The following ADGRA3 variants were observed in gnomAD, a reference collection of about 807,000 sequenced individuals.
ADGRA3 encodes adhesion G protein-coupled receptor A3, also known as G-protein coupled receptor 125.
ADGRA3 carries 56 observed loss-of-function variants against 119.8 expected under a neutral mutation model. The observed-to-expected ratio is 0.47, with a 90% CI of 0.38 to 0.58. The LOEUF (loss-of-function observed/expected upper bound fraction) is 0.58, where lower values mean the gene tolerates loss of function less well. ADGRA3 is among the 20% of genes least tolerant of loss of function. The pLI is 0.00. For synonymous variants in ADGRA3, 607 were observed against 623.8 expected (o/e 0.97, Z 0.40); for missense variants, 1,516 against 1,649.0 (o/e 0.92, Z 1.40).
At chr4:22,475,128 C>T (rs537346706) in intron 1 of ADGRA3, among the ~76,000 whole-genome samples, 28 of 152,222 alleles carry the variant, frequency 1.8e-4, no homozygotes, top group Middle Eastern at 3.4e-3. Flanking sequence ...AACTGGGTTT[C>T]GACTCCAGCT....
intron 16 of ADGRA3, among the ~76,000 whole-genome samples, chr4:22,401,016 T>C (rs1451021446): frequency 6.6e-6 from 1 of 152,228 alleles, no homozygotes. Flanking sequence ...CATATTTATC[T>C]AACCTAGTGT....
At chr4:22,444,033 T>C (rs1392573853) in intron 6 of ADGRA3, among the ~76,000 whole-genome samples, 1 of 150,158 alleles carries the variant, frequency 6.7e-6, no homozygotes, top group Non-Finnish European at 1.5e-5. Context: ...TTTTGTTTTT[T>C]GTTTTTGTTT....
At chr4:22,402,319 T>C (rs1168342325) in intron 15 of ADGRA3, among the ~76,000 whole-genome samples, 1 of 152,124 alleles carries the variant, frequency 6.6e-6, no homozygotes, top group Admixed American at 6.6e-5. Context: ...TAGTACAGTC[T>C]GATACTTAGA....
At chr4:22,426,125 CTCTTT>C (rs1168809665) in intron 10 of ADGRA3, among the ~76,000 whole-genome samples, 4 of 152,278 alleles carry the variant, frequency 2.6e-5, no homozygotes, top group African/African-American at 9.6e-5. Flanking sequence ...AAATTGGCCT[CTCTTT>C]TAAGATGATA....
intron 1 of ADGRA3, among the ~76,000 whole-genome samples, chr4:22,514,860 G>A (rs1719583114): frequency 6.6e-6 from 1 of 152,142 alleles, no homozygotes; most frequent in Non-Finnish European, 1.5e-5. Context: ...CGAGTTGGAA[G>A]GCTCAATAAA....
intron 1 of ADGRA3, among the ~76,000 whole-genome samples, chr4:22,505,248 G>GA (rs1203510648): frequency 1.3e-5 from 2 of 152,024 alleles, no homozygotes; most frequent in Non-Finnish European, 1.5e-5. Context: ...TGGGACATGG[G>GA]AAAAAAAGCA....
rs1717186187 is a variant in ADGRA3, at chr4:22,454,879, T to C, written c.460A>G (p.Asn154Asp). 6.2e-7 allele frequency: 1 copy of C among 1,613,040 alleles called. No homozygotes were observed. The highest frequency in any genetic ancestry group is 8.5e-7 in the Non-Finnish European group (1 of 1,179,040). The stretch of plus-strand genomic sequence containing the variant: ...AGATATACTTACAGCCGAACCAGAT[T>C]GGTGAGTCCTCGAAATATGTCTGCA... Reference protein sequence around the residue: ...LNADIFRGLTNLVRLNLSGNL... With the variant: ...LNADIFRGLTDLVRLNLSGNL... Residue 154 changes from asparagine (N) to aspartate (D), a missense_variant, in exon 4 of 19, where the codon AAT becomes GAT. Physicochemically the swap from Asn to Asp is conservative, Grantham distance 23. This residue lies in a region of ADGRA3 where 428 missense variants were observed against 541.9 expected (regional missense o/e 0.79). Coordinates refer to ENST00000334304, the MANE Select transcript of ADGRA3 (RefSeq NM_145290.4).
At chr4:22,456,233 T>C (rs904745079) in intron 3 of ADGRA3, among the ~76,000 whole-genome samples, 4 of 152,156 alleles carry the variant, frequency 2.6e-5, no homozygotes, top group Admixed American at 2.6e-4. Context: ...GGTTTAATTT[T>C]AGGTGTCAAC....
At chr4:22,497,696 G>A (rs909138676) in intron 1 of ADGRA3, among the ~76,000 whole-genome samples, 23 of 146,072 alleles carry the variant, frequency 1.6e-4, no homozygotes, top group African/African-American at 4.8e-4. Context: ...GGTGGCGGGC[G>A]CCTATAATCC....
chr4:22,515,692 G>T lies in ADGRA3; in HGVS notation c.93C>A (p.Gly31=). Residue 31 remains glycine, a synonymous_variant, in exon 1 of 19, where the codon GGC becomes GGA. Transcript: ENST00000334304. The part of the protein sequence containing the change: ...LLALLALLGG[G]GGGGAAALPA... ...GCAGCGCCGCGGCGCCGCCGCCGCC[G>T]CCGCCTCCCAGCAGCGCGAGCAGCG... 3.6e-6 allele frequency: 4 copies of T among 1,096,368 alleles called. No individual in the cohort carries two copies. The highest frequency in any genetic ancestry group is 4.4e-6 in the Non-Finnish European group (4 of 905,286). The allele number at this position is 1,096,368 out of a possible 1,614,324, so 67.9% of individuals were successfully genotyped here.
At chr4:22,414,959 A>C (rs73800940) in intron 12 of ADGRA3, among the ~76,000 whole-genome samples, 2,017 of 151,964 alleles carry the variant, frequency 0.013, 37 homozygotes, top group African/African-American at 0.045. Context: ...AGAGTCCTTG[A>C]AACAGGGCTT....
intron 10 of ADGRA3, among the ~76,000 whole-genome samples, chr4:22,430,815 A>AGGAAAACG (rs59815336): frequency 6.6e-6 from 1 of 151,864 alleles, no homozygotes; most frequent in Non-Finnish European, 1.5e-5. Context: ...CAGGCCTGTG[A>AGGAAAACG]TGGTTTCATA....
At position 22,413,210 on chromosome 4, in the gene ADGRA3, T is replaced by C; in HGVS notation, c.2204A>G (p.Tyr735Cys). 6.2e-7 allele frequency: 1 copy of C among 1,613,364 alleles called. No homozygotes were observed. The highest frequency in any genetic ancestry group is 1.1e-5 in the South Asian group (1 of 91,062). ...TAAAACTGCATAGTTACTAAGGGAG[T>C]AGCACTGAATCGTAGTGATATTTTC... ...SDENITTIQC[Y>C]SLSNYAVLMD... Residue 735 changes from tyrosine to cysteine, a missense_variant, in exon 14 of 19, where the codon TAC becomes TGC. By Grantham distance (194) the Tyr-to-Cys change is radical (BLOSUM62 -2). This residue lies in a region of ADGRA3 where 1,088 missense variants were observed against 1,107.1 expected (regional missense o/e 0.98). Coordinates refer to ENST00000334304, the MANE Select transcript of ADGRA3 (RefSeq NM_145290.4).
intron 16 of ADGRA3, among the ~76,000 whole-genome samples, chr4:22,400,959 A>G (rs1226557381): frequency 2.0e-5 from 3 of 152,180 alleles, no homozygotes; most frequent in Admixed American, 6.5e-5. Flanking sequence ...AAGCCTACAT[A>G]TGTAATAATT....
rs530216418 is a variant in ADGRA3 at position 22,388,442 on chromosome 4, G to A, written c.3229C>T (p.Pro1077Ser). ...TCTCCATTCGTCCCATTAGAGTTGG[G>A]GGGCTGGACGTTGACTTGCACTGAA... ...SYSVQVNVQP[P>S]NSNGTNGEAP... Residue 1077 changes from proline to serine, a missense_variant, in exon 19 of 19, where the codon CCC becomes TCC. Pro to Ser is a moderately conservative substitution (Grantham distance 74). This residue lies in a region of ADGRA3 where 1,088 missense variants were observed against 1,107.1 expected (regional missense o/e 0.98). Transcript: ENST00000334304. 3.1e-6 allele frequency: 5 copies of A among 1,614,034 alleles called. No homozygotes were observed. The Admixed American group carries it at 6.7e-5, about 22-fold the overall frequency.
chr4:22,401,309 TA>T, intron 16 of ADGRA3, 121 bp downstream of exon 16: 4 of 851,136 alleles, frequency 4.7e-6, no homozygotes, highest in Non-Finnish European at 6.9e-6. Flanking sequence ...TGACAGACAA[TA>T]AATTTAACTT....
intron 1 of ADGRA3, among the ~76,000 whole-genome samples, chr4:22,514,108 T>C (rs1478880800): frequency 6.6e-6 from 1 of 151,958 alleles, no homozygotes; most frequent in Non-Finnish European, 1.5e-5. Flanking sequence ...ATGTCACTCA[T>C]TGACCCAAAA....
At position 22,424,983 on chromosome 4, in the gene ADGRA3, G is replaced by A. The variant is rs1183723940; in HGVS notation, c.1444-631C>T. Among the ~76,000 whole-genome samples the A allele has an allele frequency of 8.6e-5, 13 of 151,898 alleles. 1 individual carries two copies. The highest frequency in any genetic ancestry group is 1.9e-4 in the Non-Finnish European group (13 of 68,002). On this transcript the variant is annotated intron_variant, in intron 10 of 18. Transcript: ENST00000334304. ...CCAGCTACTTGGGAGGCTGAGGCAG[G>A]AGAATCACTTGAAGCTGGGAGGCAG...
In ADGRA3 at chr4:22,388,573, G is replaced by A; in HGVS notation, c.3098C>T (p.Ala1033Val). 6.2e-7 allele frequency: 1 copy of A among 1,613,988 alleles called. No individual in the cohort carries two copies. Among genetic ancestry groups the A allele is most frequent in the Admixed American group, 1.7e-5 (1 of 60,010 alleles). ...GAACGCACTGAAGCTTAAACTTGTGGCTCCAAAAACGAAGCTAAAAACCAA... is the reference window on the plus strand; with the variant it reads ...GAACGCACTGAAGCTTAAACTTGTGACTCCAAAAACGAAGCTAAAAACCAA... ...LDLVFSFVFG[A>V]TSLSFSAFFV... The change falls in exon 19 of 19, where the codon GCC becomes GTC. Residue 1033 changes from alanine to valine, a missense_variant. By Grantham distance (64) the Ala-to-Val change is moderately conservative. Transcript: ENST00000334304.
Sources: allele counts gnomAD v4.1 joint callset (sites outside exome capture counted in the v4.1 genomes callset), GRCh38; gene constraint gnomAD v4.1.1; regional missense constraint gnomAD v4.1.1; transcripts MANE v1.5; gene names NCBI Gene and HGNC (gene_info 2026-07-23, HGNC 2026-07-21).